The following NTN1 variants were observed in gnomAD, a reference collection of about 807,000 sequenced individuals.
The protein encoded by NTN1 is netrin-1.
In NTN1, 11 loss-of-function variants were observed where a neutral mutation model predicts 54.2. The observed-to-expected ratio is 0.20, with a 90% confidence interval of 0.13 to 0.34. NTN1 has a LOEUF of 0.34. Ranked by LOEUF, NTN1 falls within the 10% of genes least tolerant of loss-of-function variation. NTN1 has a pLI of 1.00. For synonymous variants in NTN1, 371 were observed against 382.0 expected (o/e 0.97, Z 0.33); for missense variants, 740 against 893.1 (o/e 0.83, Z 2.18).
In NTN1 at chr17:9,201,697, G is replaced by A. The variant is rs569562385; in HGVS notation, c.1411+18728G>A. 2.6e-5 allele frequency among the ~76,000 whole-genome samples: 4 copies of A among 152,208 alleles called. No homozygotes were observed. The South Asian group carries it at 8.3e-4, about 32-fold the overall frequency. On this transcript the variant is annotated intron_variant, in intron 5 of 6. Coordinates refer to ENST00000173229, the MANE Select transcript of NTN1 (RefSeq NM_004822.3). The stretch of plus-strand genomic sequence containing the variant: ...AGCAACGGATCAGATGCACTACTTG[G>A]GGATCTGTGGGATCCACAGCCATGC...
At chr17:9,209,413 G>A (rs931398337) in intron 5 of NTN1, among the ~76,000 whole-genome samples, 16 of 152,262 alleles carry the variant, frequency 1.1e-4, no homozygotes, top group African/African-American at 3.4e-4. Context: ...ATTGCAGGGG[G>A]CCAGAGCGGA....
intron 2 of NTN1, among the ~76,000 whole-genome samples, chr17:9,127,146 G>A (rs541601672): frequency 2.0e-5 from 3 of 152,152 alleles, no homozygotes; most frequent in Non-Finnish European, 4.4e-5. Flanking sequence ...TGTTGAGCTG[G>A]GTGGTGGCAT....
intron 3 of NTN1, among the ~76,000 whole-genome samples, chr17:9,179,490 T>C (rs2092411567): frequency 6.6e-6 from 1 of 152,252 alleles, no homozygotes; most frequent in African/African-American, 2.4e-5. Flanking sequence ...TGATGAGGGC[T>C]ACGGGCTCTG....
At chr17:9,175,534 C>T (rs1262656015) in intron 3 of NTN1, 1 of 152,268 alleles carries the variant, frequency 6.6e-6, no homozygotes, top group Admixed American at 6.5e-5. Context: ...GAGGCAAAAA[C>T]CTTAGCCTGT....
intron 5 of NTN1, among the ~76,000 whole-genome samples, chr17:9,184,357 G>T (rs968200812): frequency 1.3e-5 from 2 of 152,216 alleles, no homozygotes; most frequent in Admixed American, 6.5e-5. Flanking sequence ...AGCATGACAG[G>T]GAGACTGGAT....
intron 4 of NTN1, among the ~76,000 whole-genome samples, chr17:9,181,442 G>A (rs1467571430): frequency 6.6e-6 from 1 of 152,180 alleles, no homozygotes; most frequent in Non-Finnish European, 1.5e-5. Flanking sequence ...GGATTAGACT[G>A]GACCATTCAG....
intron 2 of NTN1, among the ~76,000 whole-genome samples, chr17:9,136,939 C>T (rs937226209): frequency 2.0e-5 from 3 of 152,160 alleles, no homozygotes; most frequent in Non-Finnish European, 4.4e-5. Flanking sequence ...CCCATCACTT[C>T]AGCGCACAAA....
intron 2 of NTN1, among the ~76,000 whole-genome samples, chr17:9,129,452 T>G (rs1477365914): frequency 6.6e-6 from 1 of 152,188 alleles, no homozygotes; most frequent in African/African-American, 2.4e-5. Context: ...TTTGCCTGAT[T>G]GTTTTTCCTC....
intron 2 of NTN1, among the ~76,000 whole-genome samples, chr17:9,065,583 A>C (rs555314908): frequency 6.6e-6 from 1 of 152,348 alleles, no homozygotes; most frequent in East Asian, 1.9e-4. Flanking sequence ...GTCTCCTGAC[A>C]TTGAACTGTG....
At chr17:9,204,273 T>C (rs1904902359) in intron 5 of NTN1, among the ~76,000 whole-genome samples, 1 of 140,984 alleles carries the variant, frequency 7.1e-6, no homozygotes, top group African/African-American at 2.7e-5. Context: ...TCCTTCTCTC[T>C]CTCTTTCTCT....
At chr17:9,183,017 G>A (rs1472465948) in intron 5 of NTN1, 48 bp downstream of exon 5, 7 of 1,572,566 alleles carry the variant, frequency 4.5e-6, no homozygotes, top group Admixed American at 1.7e-5. Context: ...CTGGGTGGTG[G>A]GGTGGTGGGG....
chr17:9,080,671 C>T (rs1158764538), intron 2 of NTN1, among the ~76,000 whole-genome samples: 2 of 152,156 alleles, frequency 1.3e-5, no homozygotes, highest in African/African-American at 4.8e-5. Context: ...GGTGAGAGGG[C>T]TTGGACTTTC....
rs779061674 is a variant in NTN1, at chr17:9,202,878, C to T, written c.1412-18290C>T. 1.1e-4 allele frequency among the ~76,000 whole-genome samples: 17 copies of T among 152,114 alleles called. No individual in the cohort carries two copies. In the South Asian group the frequency reaches 1.5e-3, roughly 13 times the overall value. ...TTCAAAATGATATTGCGATATTCTG[C>T]GTCTGTGTTTCATGGTTTCATAATT... On this transcript the variant is annotated intron_variant, in intron 5 of 6. Coordinates refer to ENST00000173229, the MANE Select transcript of NTN1 (RefSeq NM_004822.3).
At chr17:9,031,735 G>C (rs971423187) in intron 2 of NTN1, among the ~76,000 whole-genome samples, 7 of 151,978 alleles carry the variant, frequency 4.6e-5, no homozygotes, top group African/African-American at 1.7e-4. Flanking sequence ...ATTTGAGGTC[G>C]GGAGTTCGAG....
chr17:9,192,720 G>A (rs773436408), intron 5 of NTN1, among the ~76,000 whole-genome samples: 9 of 152,274 alleles, frequency 5.9e-5, no homozygotes, highest in Middle Eastern at 6.8e-3. Flanking sequence ...GGCAGCACCG[G>A]GAGACAAACC....
At position 9,173,381 on chromosome 17, in the gene NTN1, C is replaced by T. The variant is rs1356563177; in HGVS notation, c.1208-6426C>T. The T allele has an allele frequency of 2.6e-5, 4 of 152,312 alleles. No homozygotes were observed. The East Asian group carries it at 7.7e-4, about 29-fold the overall frequency. The allele number at this position is 152,312 out of a possible 1,614,324, so 9.4% of individuals were successfully genotyped here. ...CTCTAGTGAGGGTCCCACCAGGCTT[C>T]CTCCAAGAGGCCTGACACCCACCAG... On this transcript the variant is annotated intron_variant, in intron 3 of 6. Coordinates refer to ENST00000173229, the MANE Select transcript of NTN1 (RefSeq NM_004822.3).
chr17:9,065,070 G>A (rs1337672321), intron 2 of NTN1, among the ~76,000 whole-genome samples: 1 of 152,078 alleles, frequency 6.6e-6, no homozygotes, highest in African/African-American at 2.4e-5. Flanking sequence ...CTGAGTATTT[G>A]GGATTACAGG....
At chr17:9,050,496 C>G (rs2091956981) in intron 2 of NTN1, among the ~76,000 whole-genome samples, 1 of 151,180 alleles carries the variant, frequency 6.6e-6, no homozygotes, top group Non-Finnish European at 1.5e-5. Context: ...AGGACGAAAC[C>G]CCATCTCTAC....
chr17:9,222,427 G>A (rs1401765063), intron 6 of NTN1, among the ~76,000 whole-genome samples: 1 of 152,222 alleles, frequency 6.6e-6, no homozygotes, highest in Non-Finnish European at 1.5e-5. Flanking sequence ...CTTCTCAGGG[G>A]ATCTGGGATG....
Sources: allele counts gnomAD v4.1 joint callset (sites outside exome capture counted in the v4.1 genomes callset), GRCh38; gene constraint gnomAD v4.1.1; transcripts MANE v1.5; gene names NCBI Gene and HGNC (gene_info 2026-07-23, HGNC 2026-07-21).